Variants in FILIP1 observed in about 807,000 individuals in gnomAD.
FILIP1 encodes filamin-A-interacting protein 1.
FILIP1 carries 61 observed loss-of-function variants against 102.1 expected under a neutral mutation model. The ratio of observed to expected loss-of-function variants is 0.60; its 90% confidence interval spans 0.49 to 0.74. The LOEUF (loss-of-function observed/expected upper bound fraction) is 0.74. Ranked by LOEUF, FILIP1 falls within the 30% of genes least tolerant of loss-of-function variation. The pLI, the probability that FILIP1 is intolerant of heterozygous loss-of-function variation, is 0.00. For synonymous variants in FILIP1, 491 were observed against 526.9 expected, an observed-to-expected ratio of 0.93 and a Z score of 0.93; for missense variants, 1,314 against 1,441.2, an observed-to-expected ratio of 0.91 and a Z score of 1.43.
intron 2 of FILIP1, among the ~76,000 whole-genome samples, chr6:75,370,321 T>C (rs1775472421): frequency 6.6e-6 from 1 of 152,206 alleles, no homozygotes; most frequent in African/African-American, 2.4e-5. Context: ...GGACTGTGAC[T>C]GCCTTGGGAG....
At chr6:75,420,442 T>C (rs1777420048) in intron 1 of FILIP1, among the ~76,000 whole-genome samples, 1 of 152,162 alleles carries the variant, frequency 6.6e-6, no homozygotes, top group Non-Finnish European at 1.5e-5. Context: ...ACCAACATTT[T>C]AATTAAAATC....
intron 1 of FILIP1, among the ~76,000 whole-genome samples, chr6:75,454,452 T>C (rs1048469232): frequency 6.6e-6 from 1 of 152,192 alleles, no homozygotes; most frequent in Non-Finnish European, 1.5e-5. Context: ...AATAATCTCC[T>C]CATCTTAAGG....
At position 75,328,794 on chromosome 6, in the gene FILIP1, G is replaced by GT. The variant is rs146942288; in HGVS notation, c.630-13593dup. On this transcript the variant is annotated intron_variant, in intron 4 of 5. Coordinates refer to ENST00000237172, the MANE Select transcript of FILIP1 (RefSeq NM_015687.5). ...TGAGCCACCGTGCCCAGCTAATAAT[G>GT]TTTTTTTAAAAAATCTCCTTTGTAA... 1.3e-3 allele frequency among the ~76,000 whole-genome samples: 205 copies of GT among 152,044 alleles called. 6 individuals are homozygous for GT. In the East Asian group the frequency reaches 0.037, roughly 27 times the overall value.
Position 75,302,725 on chromosome 6 carries a change from A to C in FILIP1, c.3493+6115T>G, listed in dbSNP as rs1190910676. Among the ~76,000 whole-genome samples the C allele has an allele frequency of 2.0e-5, 3 of 152,286 alleles. No individual in the cohort carries two copies. In the East Asian group the frequency reaches 5.8e-4, roughly 29 times the overall value. ...TCAGAAGAATGGAGAAGTAGAGCCC[A>C]GTCACAGAGTGCCTCAAGTACATAG... On this transcript the variant is annotated intron_variant, in intron 6 of 6. Coordinates refer to the FILIP1 transcript ENST00000393004.
At chr6:75,471,228 G>T (rs757296385) in intron 1 of FILIP1, among the ~76,000 whole-genome samples, 3 of 146,888 alleles carry the variant, frequency 2.0e-5, no homozygotes, top group Non-Finnish European at 3.0e-5. Flanking sequence ...GAGTATAAAA[G>T]TGAAAAGACA....
rs1406425722 is a variant in FILIP1, at chr6:75,313,271, T to C, written c.2561A>G (p.Asp854Gly). Residue 854 changes from aspartate (D) to glycine (G), a missense_variant, in exon 5 of 6, where the codon GAC becomes GGC. Physicochemically the swap from Asp to Gly is moderately conservative, Grantham distance 94. Coordinates refer to ENST00000237172, the MANE Select transcript of FILIP1 (RefSeq NM_015687.5). This position sits in a 1 kb window ranked among gnomAD's most constrained non-coding sequence, Gnocchi z 4.2. ...KKPVERSSVL[D>G]RYPPAANELT... The stretch of plus-strand genomic sequence containing the variant: ...CTCATTTGCTGCTGGAGGATACCTG[T>C]CTAGAACAGAAGATCTTTCCACGGG... 1 of 1,614,192 alleles carries C rather than the reference T, an allele frequency of 6.2e-7. No individual in the cohort carries two copies. The highest frequency in any genetic ancestry group is 1.3e-5 in the African/African-American group (1 of 75,042).
chr6:75,413,566 G>A (rs1253419684), intron 2 of FILIP1, among the ~76,000 whole-genome samples: 1 of 151,934 alleles, frequency 6.6e-6, no homozygotes, highest in Non-Finnish European at 1.5e-5. Context: ...GATGATAACA[G>A]GAACAGAGTG....
chr6:75,482,044 G>T (rs1779661985), intron 1 of FILIP1, among the ~76,000 whole-genome samples: 1 of 151,944 alleles, frequency 6.6e-6, no homozygotes, highest in Non-Finnish European at 1.5e-5. Flanking sequence ...AAAACCACAG[G>T]CCACTTTCAT....
At chr6:75,427,252 G>C (rs1777657558) in intron 1 of FILIP1, among the ~76,000 whole-genome samples, 1 of 152,106 alleles carries the variant, frequency 6.6e-6, no homozygotes, top group African/African-American at 2.4e-5. Flanking sequence ...AAGGAGTATA[G>C]GACAGGTAAG....
chr6:75,323,865 GT>G (rs1484457869), intron 4 of FILIP1, among the ~76,000 whole-genome samples: 1 of 152,192 alleles, frequency 6.6e-6, no homozygotes, highest in Non-Finnish European at 1.5e-5. Context: ...TAGTGAGGGA[GT>G]TTTCATGAGG....
chr6:75,442,625 G>C (rs962022985), intron 1 of FILIP1, among the ~76,000 whole-genome samples: 5 of 152,256 alleles, frequency 3.3e-5, no homozygotes, highest in Non-Finnish European at 7.3e-5. Context: ...GTGGCAGCGC[G>C]CGCCTGCAAT....
chr6:75,374,510 C>T (rs1775688081), intron 2 of FILIP1, among the ~76,000 whole-genome samples: 1 of 152,190 alleles, frequency 6.6e-6, no homozygotes, highest in Admixed American at 6.5e-5. Flanking sequence ...TCCTGAGTAG[C>T]TGGGACTACA....
Position 75,319,689 on chromosome 6 carries a change from GC to G in FILIP1, c.630-4488del, listed in dbSNP as rs1484332387. ...ACTAAAAATACAAAAAATTAGCCGG[GC>G]GTAGCGGCGGGCGCCTGTAGTCCCA... On this transcript the variant is annotated intron_variant, in intron 4 of 5. Coordinates refer to ENST00000237172, the MANE Select transcript of FILIP1 (RefSeq NM_015687.5). 9 of 338,896 alleles carry G rather than the reference GC, an allele frequency of 2.7e-5. No homozygotes were observed. The East Asian group carries it at 6.3e-4, about 24-fold the overall frequency. 21.0% of individuals were successfully genotyped at this position (338,896 alleles called of 1,614,324 possible).
At chr6:75,453,131 C>T (rs1778692996) in intron 1 of FILIP1, among the ~76,000 whole-genome samples, 1 of 152,134 alleles carries the variant, frequency 6.6e-6, no homozygotes, top group African/African-American at 2.4e-5. Context: ...CTTGGATTAC[C>T]CCATACAGAG....
At chr6:75,379,176 C>A (rs1490449004) in intron 2 of FILIP1, among the ~76,000 whole-genome samples, 2 of 152,104 alleles carry the variant, frequency 1.3e-5, no homozygotes, top group Non-Finnish European at 2.9e-5. Context: ...TTATTGCCTA[C>A]CCCCTACCAA....
At chr6:75,482,277 T>G (rs534413925) in intron 1 of FILIP1, among the ~76,000 whole-genome samples, 5 of 152,338 alleles carry the variant, frequency 3.3e-5, no homozygotes, top group Admixed American at 6.5e-5. Flanking sequence ...TTATACTCAA[T>G]ACATCCTTTT....
intron 4 of FILIP1, among the ~76,000 whole-genome samples, chr6:75,320,613 A>G (rs938790886): frequency 1.3e-5 from 2 of 152,154 alleles, no homozygotes; most frequent in Non-Finnish European, 2.9e-5. Context: ...ATAGATCTGG[A>G]AATTACCTAA....
chr6:75,338,672 T>C (rs1053665785), intron 4 of FILIP1, among the ~76,000 whole-genome samples: 2 of 152,222 alleles, frequency 1.3e-5, no homozygotes, highest in Non-Finnish European at 2.9e-5. Context: ...AAAAACAATA[T>C]TTACTTGTTA....
chr6:75,385,214 A>C (rs1776047973), intron 2 of FILIP1, among the ~76,000 whole-genome samples: 1 of 152,304 alleles, frequency 6.6e-6, no homozygotes, highest in South Asian at 2.1e-4. Context: ...CCTGATTCTC[A>C]GACCAGAGAT....
Sources: allele counts gnomAD v4.1 joint callset (sites outside exome capture counted in the v4.1 genomes callset), GRCh38; gene constraint gnomAD v4.1.1; non-coding constraint Gnocchi (gnomAD v3.1); transcripts MANE v1.5; gene names NCBI Gene and HGNC (gene_info 2026-07-23, HGNC 2026-07-21).